PXDC1: variants seen among roughly 807,000 people sequenced by gnomAD.
PXDC1 encodes PX domain containing 1, also known as PX domain-containing protein 1.
PXDC1 carries 13 observed loss-of-function variants against 24.4 expected under a neutral mutation model. The observed-to-expected ratio is 0.53, with a 90% CI of 0.35 to 0.85. PXDC1 has a LOEUF of 0.85. Ranked by LOEUF, PXDC1 falls within the 40% of genes least tolerant of loss-of-function variation. The pLI, the probability that PXDC1 is intolerant of heterozygous loss-of-function variation, is 0.01. For missense variants in PXDC1, 344 were observed against 309.3 expected (o/e 1.11, Z -0.84); for synonymous variants, 162 against 124.9 (o/e 1.30, Z -1.98).
chr6:3,744,993 G>A (rs1282195980), intron 1 of PXDC1, among the ~76,000 whole-genome samples: 1 of 152,232 alleles, frequency 6.6e-6, no homozygotes, highest in Non-Finnish European at 1.5e-5. Flanking sequence ...AGCCACCGCG[G>A]CAGCCATTCT....
In PXDC1 at chr6:3,751,555, G is replaced by A. The variant is rs1423408935; in HGVS notation, c.-24C>T. On this transcript the variant is annotated 5_prime_UTR_variant, in exon 1 of 5. Transcript: ENST00000380283. ...ATGTCGCACGCATGCCCCCGCCAAG[G>A]GCTCCCCAGCCCCGCCGCCCGCCCG... is the stretch of plus-strand genomic sequence containing the variant. The A allele has an allele frequency of 1.3e-6, 2 of 1,535,626 alleles. No homozygotes were observed. Among genetic ancestry groups the A allele is most frequent in the East Asian group, 2.5e-5 (1 of 39,488 alleles).
chr6:3,749,350 T>G (rs1201833448), intron 1 of PXDC1, among the ~76,000 whole-genome samples: 2 of 151,652 alleles, frequency 1.3e-5, no homozygotes, highest in Admixed American at 1.3e-4. Context: ...ATTTCTGATT[T>G]CTGTTCCCCT....
intron 3 of PXDC1, among the ~76,000 whole-genome samples, chr6:3,731,536 C>G (rs1168009724): frequency 6.6e-6 from 1 of 152,184 alleles, no homozygotes; most frequent in African/African-American, 2.4e-5. Flanking sequence ...CAAATGAAAG[C>G]AGCCCTGCTC....
At chr6:3,743,147 G>T (rs1760486075) in intron 1 of PXDC1, among the ~76,000 whole-genome samples, 1 of 152,172 alleles carries the variant, frequency 6.6e-6, no homozygotes, top group Non-Finnish European at 1.5e-5. Context: ...CTCCAGGGAG[G>T]ACCTTGGCCA....
intron 1 of PXDC1, among the ~76,000 whole-genome samples, chr6:3,748,480 A>G (rs1158290658): frequency 1.3e-5 from 2 of 152,182 alleles, no homozygotes; most frequent in Non-Finnish European, 2.9e-5. Flanking sequence ...CCTCCACCCC[A>G]GGCAGGGATT....
chr6:3,734,213 C>T (rs1389719096), intron 3 of PXDC1, among the ~76,000 whole-genome samples: 2 of 152,206 alleles, frequency 1.3e-5, no homozygotes, highest in African/African-American at 4.8e-5. Flanking sequence ...TGTGTTCATA[C>T]ACATCGCTGA....
At chr6:3,750,815 G>A (rs950518441) in intron 1 of PXDC1, among the ~76,000 whole-genome samples, 15 of 152,156 alleles carry the variant, frequency 9.9e-5, no homozygotes, top group African/African-American at 3.6e-4. Flanking sequence ...GAGAACTCGG[G>A]GCGGCGGCCA....
At chr6:3,735,635 TGGTCA>T in intron 3 of PXDC1, among the ~76,000 whole-genome samples, 1 of 152,200 alleles carries the variant, frequency 6.6e-6, no homozygotes, top group Admixed American at 6.5e-5. Flanking sequence ...AGGGAAAGGC[TGGTCA>T]GTGAGCACGA....
chr6:3,731,317 G>A (rs1194345042), intron 3 of PXDC1, among the ~76,000 whole-genome samples: 1 of 152,124 alleles, frequency 6.6e-6, no homozygotes, highest in Non-Finnish European at 1.5e-5. Flanking sequence ...CTGTTATGAT[G>A]TAAATAAAAA....
At chr6:3,727,272 A>G (rs1291564260) in intron 4 of PXDC1, among the ~76,000 whole-genome samples, 1 of 152,198 alleles carries the variant, frequency 6.6e-6, no homozygotes, top group Non-Finnish European at 1.5e-5. Context: ...TGGAGACAGC[A>G]TCACACCCCT....
chr6:3,732,699 T>C (rs1760226242), intron 3 of PXDC1, among the ~76,000 whole-genome samples: 1 of 152,198 alleles, frequency 6.6e-6, no homozygotes. Flanking sequence ...GTGGAAACAG[T>C]CGCCGCGCCT....
intron 1 of PXDC1, chr6:3,739,122 GA>G: frequency 5.1e-6 from 6 of 1,172,586 alleles, no homozygotes; most frequent in Non-Finnish European, 6.4e-6. Flanking sequence ...TTTTGCAGGG[GA>G]AAAGCCTGTT....
At chr6:3,726,904 G>T (rs1233855783) in intron 4 of PXDC1, among the ~76,000 whole-genome samples, 1 of 152,238 alleles carries the variant, frequency 6.6e-6, no homozygotes, top group Admixed American at 6.5e-5. Flanking sequence ...AGTCAGGAAA[G>T]GTTAAATAAC....
chr6:3,727,522 T>C, intron 4 of PXDC1, 29 bp downstream of exon 4: 2 of 1,492,334 alleles, frequency 1.3e-6, no homozygotes, highest in Non-Finnish European at 9.3e-7. Flanking sequence ...GGACAGTCTA[T>C]GAAACGATAT....
intron 1 of PXDC1, chr6:3,738,675 G>T: frequency 1.3e-6 from 1 of 780,408 alleles, no homozygotes; most frequent in Non-Finnish European, 1.8e-6. Context: ...ATCTCTGCCT[G>T]GACAAAACCA....
intron 1 of PXDC1, among the ~76,000 whole-genome samples, chr6:3,748,190 A>T (rs1760610952): frequency 6.6e-6 from 1 of 152,160 alleles, no homozygotes; most frequent in Non-Finnish European, 1.5e-5. Flanking sequence ...GAAATGAAAG[A>T]CTTGGGCCCA....
At chr6:3,739,644 C>T (rs1227709571) in intron 1 of PXDC1, among the ~76,000 whole-genome samples, 1 of 152,222 alleles carries the variant, frequency 6.6e-6, no homozygotes, top group African/African-American at 2.4e-5. Context: ...GACCCTCTGC[C>T]GTGTTCTCCA....
Position 3,723,538 on chromosome 6 carries a change from T to A in PXDC1, c.*81A>T, listed in dbSNP as rs1759987746. The A allele has an allele frequency of 3.6e-6, 4 of 1,104,012 alleles. No individual in the cohort carries two copies. Among genetic ancestry groups the A allele is most frequent in the Non-Finnish European group, 5.5e-6 (4 of 725,958 alleles). 68.4% of individuals were successfully genotyped at this position (1,104,012 alleles called of 1,614,324 possible). A position where few individuals can be genotyped will look rare whatever the true frequency, so the allele number is the denominator to read the frequency against. The stretch of plus-strand genomic sequence containing the variant: ...GGAGTTCCAGAGCTGGGGCAGCAGC[T>A]GTGACCATGGGGGCCAGCACAGTGG... On this transcript the variant is annotated 3_prime_UTR_variant, in exon 5 of 5. Transcript: ENST00000380283.
chr6:3,726,112 G>T (rs934656611), intron 4 of PXDC1, among the ~76,000 whole-genome samples: 1 of 152,156 alleles, frequency 6.6e-6, no homozygotes, highest in African/African-American at 2.4e-5. Flanking sequence ...GGTGCCAAGG[G>T]CCTCTTGGAT....
Sources: allele counts gnomAD v4.1 joint callset (sites outside exome capture counted in the v4.1 genomes callset), GRCh38; gene constraint gnomAD v4.1.1; transcripts MANE v1.5; gene names NCBI Gene and HGNC (gene_info 2026-07-23, HGNC 2026-07-21).